Variants in ARID4B observed in about 807,000 individuals in gnomAD.
ARID4B encodes the protein AT-rich interactive domain-containing protein 4B.
A neutral mutation model predicts 147.5 loss-of-function variants in ARID4B; 26 were observed. The observed-to-expected ratio is 0.18, with a 90% confidence interval of 0.13 to 0.24. The LOEUF (loss-of-function observed/expected upper bound fraction) is 0.24. ARID4B is among the 10% of genes least tolerant of loss of function. The pLI is 1.00. For synonymous variants in ARID4B, 512 were observed against 507.9 expected, an observed-to-expected ratio of 1.01 and a Z score of -0.11; for missense variants, 1,179 against 1,511.5, an observed-to-expected ratio of 0.78 and a Z score of 3.65.
chr1:235,259,850 GA>G (rs1219623754), intron 3 of ARID4B, among the ~76,000 whole-genome samples: 1 of 152,156 alleles, frequency 6.6e-6, no homozygotes, highest in Non-Finnish European at 1.5e-5. Flanking sequence ...TGTAATTGGT[GA>G]AATAAAAACC....
intron 2 of ARID4B, among the ~76,000 whole-genome samples, chr1:235,262,809 A>T (rs541090252): frequency 4.6e-5 from 7 of 152,016 alleles, no homozygotes; most frequent in African/African-American, 7.2e-5. Context: ...TCAATTAATT[A>T]AAAAAAAATT....
chr1:235,266,621 C>G (rs1558261099), intron 2 of ARID4B, among the ~76,000 whole-genome samples: 2 of 152,286 alleles, frequency 1.3e-5, no homozygotes, highest in South Asian at 2.1e-4. Flanking sequence ...CACTAAAAAG[C>G]ATAAGCAATT....
intron 23 of ARID4B, 54 bp from the exon 24 acceptor site, chr1:235,168,706 T>A: frequency 6.4e-7 from 1 of 1,569,308 alleles, no homozygotes; most frequent in South Asian, 1.2e-5. Context: ...TGTCTAACAA[T>A]AGACAGAAAA....
rs1213263333 is a variant in ARID4B, at chr1:235,179,292, G to C, written c.3335-1379C>G. Among the ~76,000 whole-genome samples, 2 of 152,016 alleles carry C rather than the reference G, an allele frequency of 1.3e-5. 1 individual carries two copies. Among genetic ancestry groups the C allele is most frequent in the South Asian group, 4.1e-4 (2 of 4,830 alleles). ...CTCATGCCTGTAATTCCAGCACTTT[G>C]GGAGGCCAAGGTAGGTGGATTACCT... On this transcript the variant is annotated intron_variant, in intron 20 of 23. Coordinates refer to ENST00000264183, the MANE Select transcript of ARID4B (RefSeq NM_016374.6).
chr1:235,284,641 A>G (rs191872193), intron 2 of ARID4B, among the ~76,000 whole-genome samples: 67 of 152,312 alleles, frequency 4.4e-4, no homozygotes, highest in African/African-American at 1.5e-3. Context: ...TATGCAACAT[A>G]ACAAGATACC....
At chr1:235,184,945 C>T (rs1365464895) in intron 19 of ARID4B, among the ~76,000 whole-genome samples, 1 of 151,986 alleles carries the variant, frequency 6.6e-6, no homozygotes, top group Non-Finnish European at 1.5e-5. Flanking sequence ...GCCTCCCAAG[C>T]AGCTGGGACT....
chr1:235,222,506 T>C (rs1174281013), intron 13 of ARID4B, among the ~76,000 whole-genome samples: 1 of 152,070 alleles, frequency 6.6e-6, no homozygotes, highest in African/African-American at 2.4e-5. Context: ...GGATTAAGAA[T>C]ATACAGAATA....
chr1:235,296,831 A>AGGGAGGG (rs1558289216), intron 2 of ARID4B, among the ~76,000 whole-genome samples: 1 of 16,246 alleles, frequency 6.2e-5, no homozygotes, highest in African/African-American at 1.8e-4. Context: ...GGAAGGAAGG[A>AGGGAGGG]AGGAAGGGAG....
rs1241585341 is a variant in ARID4B, at chr1:235,173,792, ATATATATATATATATATATATG to A, written c.3665-1050_3665-1029del. ...AAAAAATATATATATATATATATAT[ATATATATATATATATATATATG>A]TATACCTAAAACATATATATATATA... is the stretch of plus-strand genomic sequence containing the variant. On this transcript the variant is annotated intron_variant, in intron 22 of 23. Coordinates refer to ENST00000264183, the MANE Select transcript of ARID4B (RefSeq NM_016374.6). Among the ~76,000 whole-genome samples the A allele has an allele frequency of 1.1e-3, 79 of 74,734 alleles. 4 individuals carry two copies. Among genetic ancestry groups the A allele is most frequent in the African/African-American group, 1.4e-3 (27 of 18,944 alleles). 49.0% of individuals were successfully genotyped at this position (74,734 alleles called of 152,430 possible).
chr1:235,247,805 A>G (rs1426758833), intron 6 of ARID4B, among the ~76,000 whole-genome samples: 1 of 152,100 alleles, frequency 6.6e-6, no homozygotes, highest in Non-Finnish European at 1.5e-5. Flanking sequence ...CCTGACCAAC[A>G]TGGAGAAACC....
chr1:235,274,935 T>C (rs948393111), intron 2 of ARID4B, among the ~76,000 whole-genome samples: 24 of 152,132 alleles, frequency 1.6e-4, no homozygotes, highest in Admixed American at 2.6e-4. Context: ...CTAAATCAAA[T>C]GCATACTAAA....
chr1:235,181,821 A>G lies in ARID4B; in HGVS notation c.3098T>C (p.Val1033Ala). 6.2e-7 allele frequency: 1 copy of G among 1,614,198 alleles called. No homozygotes were observed. Among genetic ancestry groups the G allele is most frequent in the Non-Finnish European group, 8.5e-7 (1 of 1,180,032 alleles). ...CTGCCGGCTGCCTTCTGTTACAGTGACTGATGAAGGCGATTCAGGTGTAGT... is the reference window on the plus strand; with the variant it reads ...CTGCCGGCTGCCTTCTGTTACAGTGGCTGATGAAGGCGATTCAGGTGTAGT... ...PPTTPESPSS[V>A]TVTEGSRQQS... Residue 1033 changes from valine (V) to alanine (A), a missense_variant, in exon 20 of 24, where the codon GTC becomes GCC. Physicochemically the swap from Val to Ala is moderately conservative, Grantham distance 64. Coordinates refer to ENST00000264183, the MANE Select transcript of ARID4B (RefSeq NM_016374.6).
intron 2 of ARID4B, among the ~76,000 whole-genome samples, chr1:235,274,993 TTGTGTGTG>T (rs72168611): frequency 2.8e-4 from 41 of 148,496 alleles, no homozygotes; most frequent in East Asian, 5.9e-4. Flanking sequence ...AGGCCTAATT[TTGTGTGTG>T]TGTGTGTGTG....
chr1:235,312,114 C>T (rs1392879885), intron 2 of ARID4B, among the ~76,000 whole-genome samples: 2 of 151,974 alleles, frequency 1.3e-5, no homozygotes, highest in Non-Finnish European at 2.9e-5. Context: ...ATGGTGAAAC[C>T]CTGTCTACTA....
intron 2 of ARID4B, among the ~76,000 whole-genome samples, chr1:235,312,557 T>C (rs1467688050): frequency 1.3e-5 from 2 of 152,204 alleles, no homozygotes; most frequent in East Asian, 3.8e-4. Context: ...AGAACTAGTT[T>C]AGAAAAATAT....
At chr1:235,208,588 C>T (rs548376640) in intron 17 of ARID4B, among the ~76,000 whole-genome samples, 16 of 152,130 alleles carry the variant, frequency 1.1e-4, no homozygotes, top group South Asian at 2.1e-4. Context: ...CCGCAACCTC[C>T]GTCTCCCAGG....
intron 17 of ARID4B, among the ~76,000 whole-genome samples, chr1:235,200,543 G>A (rs567575563): frequency 5.3e-5 from 8 of 152,142 alleles, no homozygotes; most frequent in East Asian, 3.9e-4. Context: ...AAGAAAGAAC[G>A]TCTTAGACTG....
intron 21 of ARID4B, among the ~76,000 whole-genome samples, chr1:235,177,121 G>A (rs140015713): frequency 5.1e-4 from 77 of 152,340 alleles, no homozygotes; most frequent in African/African-American, 1.8e-3. Context: ...GTAGACTGGA[G>A]TTGTTGGAAT....
chr1:235,301,741 T>C (rs1673161342), intron 2 of ARID4B, among the ~76,000 whole-genome samples: 2 of 150,476 alleles, frequency 1.3e-5, no homozygotes, highest in East Asian at 4.0e-4. Context: ...TGAGATGCAG[T>C]CTCGCTCTTA....
Sources: allele counts gnomAD v4.1 joint callset (sites outside exome capture counted in the v4.1 genomes callset), GRCh38; gene constraint gnomAD v4.1.1; transcripts MANE v1.5; gene names NCBI Gene and HGNC (gene_info 2026-07-23, HGNC 2026-07-21).